NPHP4: variants seen among roughly 807,000 people sequenced by gnomAD.
NPHP4 encodes nephrocystin 4.
In NPHP4, 151 loss-of-function variants were observed where a neutral mutation model predicts 155.8. The observed-to-expected ratio is 0.97, with a 90% confidence interval of 0.85 to 1.11. The LOEUF (loss-of-function observed/expected upper bound fraction) is 1.11, where lower values mean the gene tolerates loss of function less well. Among genes scored for constraint, NPHP4 ranks in the 50% least tolerant of loss-of-function variants. The probability of loss-of-function intolerance (pLI) is 0.00; values close to 1 mark genes in which losing one functional copy is unlikely to be tolerated. For synonymous variants in NPHP4, 845 were observed against 816.8 expected, an observed-to-expected ratio of 1.03 and a Z score of -0.59; for missense variants, 1,956 against 1,925.7, an observed-to-expected ratio of 1.02 and a Z score of -0.29.
In NPHP4 at chr1:5,863,239, G is replaced by C. The variant is rs533259623; in HGVS notation, c.*26C>G. ...CACAGACAGGCCCCAGCTGGGTGCC[G>C]CAGGAAGGACGTCACCCTCAAGCCC... On this transcript the variant is annotated 3_prime_UTR_variant, in exon 30 of 30. Coordinates refer to ENST00000378156, the MANE Select transcript of NPHP4 (RefSeq NM_015102.5). The C allele has an allele frequency of 5.6e-6, 9 of 1,613,552 alleles. No homozygotes were observed. The East Asian group carries it at 6.7e-5, about 12-fold the overall frequency.
rs116087474 is a variant in NPHP4 at position 5,953,953 on chromosome 1, T to G, written c.674-1117A>C. On this transcript the variant is annotated intron_variant, in intron 6 of 29. Transcript: ENST00000378156. ...GATATGTAGATTTTTAAAAGCTAAT[T>G]TCAAAGTTGAAAAAAAAGAAAACAC... Among the ~76,000 whole-genome samples, 1,353 of 152,304 alleles carry G rather than the reference T, an allele frequency of 8.9e-3. 11 individuals are homozygous for G. Among genetic ancestry groups the G allele is most frequent in the African/African-American group, 0.031 (1,267 of 41,538 alleles).
intron 18 of NPHP4, chr1:5,881,849 C>T (rs1643313877): frequency 6.6e-6 from 1 of 152,280 alleles, no homozygotes; most frequent in Non-Finnish European, 1.5e-5. Flanking sequence ...TCATCTGTCC[C>T]TGCTTCAGTC....
At chr1:5,964,941 A>ATTTTTTTTTTTTTTTTTTTT (rs55734317) in intron 5 of NPHP4, among the ~76,000 whole-genome samples, 2 of 59,418 alleles carry the variant, frequency 3.4e-5, no homozygotes, top group Non-Finnish European at 5.7e-5. Flanking sequence ...ATATATATAT[A>ATTTTTTTTTTTTTTTTTTTT]TTTTTTTTTT....
chr1:5,907,874 T>C (rs1428184515), intron 12 of NPHP4, among the ~76,000 whole-genome samples: 1 of 152,232 alleles, frequency 6.6e-6, no homozygotes, highest in Non-Finnish European at 1.5e-5. Flanking sequence ...GCATAGTACC[T>C]GGCACACGGT....
At chr1:5,919,662 C>T (rs1204630235) in intron 11 of NPHP4, among the ~76,000 whole-genome samples, 1 of 152,118 alleles carries the variant, frequency 6.6e-6, no homozygotes, top group Non-Finnish European at 1.5e-5. Flanking sequence ...ATAGCCAACA[C>T]TGAGCTTTCT....
At chr1:5,908,570 G>A (rs1435527018) in intron 12 of NPHP4, among the ~76,000 whole-genome samples, 1 of 152,202 alleles carries the variant, frequency 6.6e-6, no homozygotes, top group African/African-American at 2.4e-5. Context: ...CGGCAGCCAA[G>A]CAGGAGCTCA....
intron 27 of NPHP4, 140 bp from the exon 28 acceptor site, chr1:5,864,657 C>T (rs1464885801): frequency 3.3e-5 from 23 of 699,950 alleles, no homozygotes; most frequent in Non-Finnish European, 5.4e-5. Flanking sequence ...GAGGCCACAA[C>T]CAACCCTGAC....
chr1:5,895,542 A>T (rs968564844), intron 16 of NPHP4, among the ~76,000 whole-genome samples: 5 of 152,132 alleles, frequency 3.3e-5, no homozygotes, highest in African/African-American at 1.2e-4. Flanking sequence ...CTGCATTAAG[A>T]TGGACTTCAC....
At chr1:5,866,548 G>A in intron 25 of NPHP4, 90 bp from the exon 26 acceptor site, 1 of 744,880 alleles carries the variant, frequency 1.3e-6, no homozygotes, top group South Asian at 1.5e-5. Context: ...CACGCAGCGA[G>A]TGACGGCCAG....
intron 9 of NPHP4, among the ~76,000 whole-genome samples, chr1:5,933,724 A>G (rs1382966358): frequency 1.3e-5 from 2 of 152,258 alleles, no homozygotes; most frequent in Admixed American, 1.3e-4. Flanking sequence ...TCCGTCAGGA[A>G]AATACTAGGA....
At chr1:5,868,038 C>T (rs904966436) in intron 23 of NPHP4, 142 bp from the exon 24 acceptor site, 5 of 906,936 alleles carry the variant, frequency 5.5e-6, no homozygotes, top group South Asian at 1.4e-5. Context: ...GGTCGGGCAT[C>T]GTCAAAGGCA....
chr1:5,877,034 G>T, intron 20 of NPHP4, 59 bp downstream of exon 20: 2 of 1,132,188 alleles, frequency 1.8e-6, no homozygotes, highest in Non-Finnish European at 2.3e-6. Context: ...GAAAGGATGT[G>T]CACAGTGACT....
At chr1:5,916,946 C>T (rs777975363) in intron 11 of NPHP4, among the ~76,000 whole-genome samples, 24 of 152,228 alleles carry the variant, frequency 1.6e-4, no homozygotes, top group Non-Finnish European at 2.9e-5. Context: ...CAAGTCTATG[C>T]ATTCACTGAC....
intron 29 of NPHP4, 156 bp from the exon 30 acceptor site, chr1:5,863,561 C>T (rs910418833): frequency 1.2e-5 from 10 of 817,932 alleles, no homozygotes; most frequent in Non-Finnish European, 2.0e-5. Flanking sequence ...CTTCAGCGCC[C>T]GGTACAAGGA....
intron 2 of NPHP4, among the ~76,000 whole-genome samples, chr1:5,984,122 C>A (rs1300492399): frequency 6.6e-6 from 1 of 152,164 alleles, no homozygotes; most frequent in Non-Finnish European, 1.5e-5. Flanking sequence ...CACGGCCTCA[C>A]TCAATAAATG....
chr1:5,905,836 C>G lies in NPHP4; in HGVS notation c.1612-53G>C. On this transcript the variant is annotated intron_variant, in intron 13 of 29. Coordinates refer to ENST00000378156, the MANE Select transcript of NPHP4 (RefSeq NM_015102.5). The surrounding 1 kb of genome is among the most constrained non-coding windows in gnomAD (Gnocchi z 4.0). ...GGCCACCAAGGACCCCAACCCGTAA[C>G]AACCAACGGTGCTCAGATCTAAGGG... 6.5e-7 allele frequency: 1 copy of G among 1,537,072 alleles called. No homozygotes were observed. The highest frequency in any genetic ancestry group is 8.8e-7 in the Non-Finnish European group (1 of 1,132,352).
intron 18 of NPHP4, among the ~76,000 whole-genome samples, chr1:5,885,866 C>T (rs977142968): frequency 1.3e-5 from 2 of 152,234 alleles, no homozygotes; most frequent in Admixed American, 6.5e-5. Flanking sequence ...GAGCCAGGCT[C>T]GCTGCACTGA....
chr1:5,929,788 T>C (rs758514981), intron 10 of NPHP4, among the ~76,000 whole-genome samples: 3 of 152,166 alleles, frequency 2.0e-5, no homozygotes, highest in Non-Finnish European at 4.4e-5. Flanking sequence ...ATTATTTTTC[T>C]GGTTTTGATA....
chr1:5,864,800 C>G lies in NPHP4; in HGVS notation c.3817-283G>C. On this transcript the variant is annotated intron_variant, in intron 27 of 29. Transcript: ENST00000378156. ...TAAAACCCCGGCCAGCTGGTGGCAC[C>G]AGGGGCCGCCCTCCCACCCCGTCTA... 5.6e-6 allele frequency: 3 copies of G among 537,710 alleles called. No homozygotes were observed. The South Asian group carries it at 8.7e-5, about 16-fold the overall frequency. The allele number at this position is 537,710 out of a possible 1,614,324, so 33.3% of individuals were successfully genotyped here. A position where few individuals can be genotyped will look rare whatever the true frequency, so the allele number is the denominator to read the frequency against.
Sources: gnomAD v4.1 joint callset for allele counts (sites outside exome capture counted in the v4.1 genomes callset) on GRCh38, gnomAD v4.1.1 for gene constraint, Gnocchi (gnomAD v3.1) non-coding constraint, MANE v1.5 for transcripts, NCBI Gene and HGNC (gene_info 2026-07-23, HGNC 2026-07-21) for gene names.